ERCC4: variants seen among roughly 807,000 people sequenced by gnomAD.
ERCC4 encodes the protein ERCC excision repair 4, endonuclease catalytic subunit.
ERCC4 carries 65 observed loss-of-function variants against 76.9 expected under a neutral mutation model. The observed-to-expected ratio is 0.84, with a 90% CI of 0.69 to 1.04. The LOEUF is 1.04. Among genes scored for constraint, ERCC4 ranks in the 50% least tolerant of loss-of-function variants. The pLI, the probability that ERCC4 is intolerant of heterozygous loss-of-function variation, is 0.00. For missense variants in ERCC4, 1,214 were observed against 1,128.2 expected (o/e 1.08, Z -1.09); for synonymous variants, 463 against 410.1 (o/e 1.13, Z -1.56).
In ERCC4 at chr16:13,948,254, T is replaced by C; in HGVS notation, c.2658T>C (p.Ser886=). The change falls in exon 11 of 11, where the codon AGT becomes AGC. Residue 886 remains serine, a synonymous_variant. Transcript: ENST00000311895. ...LAALSQDELT[S]ILGNAANAKQ... ...CCCTGTCACAAGACGAGCTCACGAG[T>C]ATTCTGGGGAATGCTGCAAATGCCA... 6.2e-7 allele frequency: 1 copy of C among 1,614,092 alleles called. No individual in the cohort carries two copies.
chr16:13,933,507 G>A (rs1026142164), intron 6 of ERCC4: 6 of 152,580 alleles, frequency 3.9e-5, no homozygotes, highest in South Asian at 2.1e-4. Flanking sequence ...TCAGGAGTTC[G>A]AGACTAGCCT....
chr16:13,947,749 T>C lies in ERCC4; in HGVS notation c.2153T>C (p.Leu718Pro), dbSNP rs1567253637. Residue 718 changes from leucine to proline, a missense_variant, in exon 11 of 11, where the codon CTC becomes CCC. Leu to Pro is a moderately conservative substitution (Grantham distance 98). Coordinates refer to ENST00000311895, the MANE Select transcript of ERCC4 (RefSeq NM_005236.3). ...PVTLEVGDYI[L>P]TPEMCVERKS... ...ACTTTAGAGGTTGGAGATTACATCC[T>C]CACTCCAGAAATGTGCGTGGAGCGC... 1.9e-6 allele frequency: 3 copies of C among 1,614,124 alleles called. No individual in the cohort carries two copies. The highest frequency in any genetic ancestry group is 2.5e-6 in the Non-Finnish European group (3 of 1,180,048).
chr16:13,950,207 C>T lies in ERCC4; in HGVS notation c.*1860C>T. The T allele has an allele frequency of 5.3e-6, 1 of 187,644 alleles. No individual in the cohort carries two copies. Among genetic ancestry groups the T allele is most frequent in the African/African-American group, 2.3e-5 (1 of 42,890 alleles). The allele number at this position is 187,644 out of a possible 1,614,324, so 11.6% of individuals were successfully genotyped here. A position where few individuals can be genotyped will look rare whatever the true frequency, so the allele number is the denominator to read the frequency against. On this transcript the variant is annotated 3_prime_UTR_variant, in exon 11 of 11. Transcript: ENST00000311895. ...AACTACTGACCTCAGGTGATCCACC[C>T]ACCTTGGCCTCCCAAAGTGCTGAGA...
chr16:13,947,054 G>A (rs888268858), intron 10 of ERCC4, among the ~76,000 whole-genome samples: 4 of 152,152 alleles, frequency 2.6e-5, no homozygotes, highest in Admixed American at 6.5e-5. Flanking sequence ...GAGCCACCGC[G>A]CCCGGCCCGA....
chr16:13,935,059 T>TCA, intron 7 of ERCC4, 87 bp from the exon 8 acceptor site: 1 of 1,002,090 alleles, frequency 1.0e-6, no homozygotes, highest in Non-Finnish European at 1.6e-6. Flanking sequence ...TAAGATGTCT[T>TCA]CCCTTCGGGT....
At chr16:13,926,801 C>G in intron 3 of ERCC4, 45 bp downstream of exon 3, 1 of 1,449,568 alleles carries the variant, frequency 6.9e-7, no homozygotes, top group Non-Finnish European at 9.7e-7. Context: ...TATTTGTCAT[C>G]TTTGTTTGTG....
At chr16:13,932,378 T>G in intron 6 of ERCC4, 93 bp downstream of exon 6, 1 of 1,144,632 alleles carries the variant, frequency 8.7e-7, no homozygotes. Flanking sequence ...TTTGGCCATG[T>G]GAAAAGTGTG....
rs200649435 is a variant in ERCC4 at position 13,935,513 on chromosome 16, A to T, written c.1581A>T (p.Glu527Asp). The T allele has an allele frequency of 3.4e-4, 541 of 1,614,096 alleles. 1 individual carries two copies. The highest frequency in any genetic ancestry group is 4.2e-4 in the Non-Finnish European group (497 of 1,180,028). ...EISSSPESCP[E>D]EIKHEEFDVN... ...GCAGTAGCCCAGAAAGCTGCCCGGA[A>T]GAAATTAAGCATGAAGAATTTGATG... Residue 527 changes from glutamate to aspartate, a missense_variant, in exon 8 of 11, where the codon GAA (glutamate) becomes GAT (aspartate). Coordinates refer to ENST00000311895, the MANE Select transcript of ERCC4 (RefSeq NM_005236.3).
chr16:13,934,761 G>C (rs1199284834), intron 7 of ERCC4: 1 of 231,710 alleles, frequency 4.3e-6, no homozygotes, highest in East Asian at 9.5e-5. Context: ...ACAAACTGAA[G>C]ACATTGTCTA....
At chr16:13,923,863 A>T (rs1419574132) in intron 2 of ERCC4, among the ~76,000 whole-genome samples, 2 of 152,126 alleles carry the variant, frequency 1.3e-5, no homozygotes, top group African/African-American at 4.8e-5. Context: ...AATTGATTTA[A>T]AAAAATTTTT....
intron 10 of ERCC4, among the ~76,000 whole-genome samples, chr16:13,945,652 A>G (rs1201908901): frequency 1.3e-5 from 2 of 152,218 alleles, no homozygotes; most frequent in Middle Eastern, 3.2e-3. Context: ...TGGATGTGAA[A>G]TGGAGCCAGC....
chr16:13,948,029 GTTGT>G lies in ERCC4; in HGVS notation c.2437_2440del (p.Phe813ArgfsTer3). On this transcript the variant is annotated frameshift_variant, in exon 11 of 11. Transcript: ENST00000311895. LOFTEE classifies it low-confidence loss of function (END_TRUNC). ...GCCCCTCTCCTCATGCAACGGCGGA[GTTGT>G]TTGAGGAGCTGAAACAAAGCAAGCC... 1 of 1,614,130 alleles carries G rather than the reference GTTGT, an allele frequency of 6.2e-7. No homozygotes were observed. The highest frequency in any genetic ancestry group is 1.1e-5 in the South Asian group (1 of 91,074).
rs188840787 is a variant in ERCC4, at chr16:13,950,935, A to T, written c.*2588A>T. ...ATACCAGTGCCCCCCTGGCTCTCCA[A>T]ATCTGTTCTTTGCTCTTGTATCTGC... is the stretch of plus-strand genomic sequence containing the variant. On this transcript the variant is annotated 3_prime_UTR_variant, in exon 11 of 11. Coordinates refer to ENST00000311895, the MANE Select transcript of ERCC4 (RefSeq NM_005236.3). 1.0e-5 allele frequency: 2 copies of T among 195,936 alleles called. No homozygotes were observed. Among genetic ancestry groups the T allele is most frequent in the African/African-American group, 4.6e-5 (2 of 43,212 alleles). 12.1% of individuals were successfully genotyped at this position (195,936 alleles called of 1,614,324 possible).
chr16:13,948,474 T>G lies in ERCC4; in HGVS notation c.*127T>G. 1 of 1,173,780 alleles carries G rather than the reference T, an allele frequency of 8.5e-7. No individual in the cohort carries two copies. Among genetic ancestry groups the G allele is most frequent in the Non-Finnish European group, 1.2e-6 (1 of 807,924 alleles). 72.7% of individuals were successfully genotyped at this position (1,173,780 alleles called of 1,614,324 possible). A position where few individuals can be genotyped will look rare whatever the true frequency, so the allele number is the denominator to read the frequency against. On this transcript the variant is annotated 3_prime_UTR_variant, in exon 11 of 11. Transcript: ENST00000311895. ...TCCAATGCTCTTAATGATTGTACGG[T>G]GGACCAGAAGCCAGGATTCCTCTCT...
chr16:13,937,150 A>C (rs964133692), intron 8 of ERCC4, among the ~76,000 whole-genome samples: 1 of 145,218 alleles, frequency 6.9e-6, no homozygotes, highest in Non-Finnish European at 1.5e-5. Flanking sequence ...TTCTGAGCTC[A>C]AATGATCCTC....
Position 13,948,617 on chromosome 16 carries a change from A to G in ERCC4, c.*270A>G. 2.2e-6 allele frequency: 1 copy of G among 463,096 alleles called. No homozygotes were observed. The highest frequency in any genetic ancestry group is 3.9e-5 in the East Asian group (1 of 25,958). 28.7% of individuals were successfully genotyped at this position (463,096 alleles called of 1,614,324 possible). ...AATGAGGTTTGTCAGGATCAGGTAAAGTTCCTACAAGTGATTACAGAAGGT... is the reference window on the plus strand; with the variant it reads ...AATGAGGTTTGTCAGGATCAGGTAAGGTTCCTACAAGTGATTACAGAAGGT... On this transcript the variant is annotated 3_prime_UTR_variant, in exon 11 of 11. Transcript: ENST00000311895.
At chr16:13,930,008 C>G (rs908458942) in intron 4 of ERCC4, among the ~76,000 whole-genome samples, 12 of 152,090 alleles carry the variant, frequency 7.9e-5, no homozygotes, top group Non-Finnish European at 1.5e-5. Flanking sequence ...GTTAATTTAA[C>G]AAATATTTTC....
rs765840370 is a variant in ERCC4, at chr16:13,932,181, C to T, written c.998C>T (p.Thr333Ile). ...GGTTGGCTGTTTCTTGACTCCAGCACCTCGATGTTTATAAATGCTCGAGCA... is the reference window on the plus strand; with the variant it reads ...GGTTGGCTGTTTCTTGACTCCAGCATCTCGATGTTTATAAATGCTCGAGCA... ...NSGWLFLDSS[T>I]SMFINARARV... The change falls in exon 6 of 11, where the codon ACC becomes ATC. Residue 333 changes from threonine (T) to isoleucine (I), a missense_variant. Thr to Ile is a moderately conservative substitution (Grantham distance 89). Coordinates refer to ENST00000311895, the MANE Select transcript of ERCC4 (RefSeq NM_005236.3). 6.2e-7 allele frequency: 1 copy of T among 1,613,510 alleles called. No homozygotes were observed. The highest frequency in any genetic ancestry group is 1.1e-5 in the South Asian group (1 of 91,066).
Position 13,932,725 on chromosome 16 carries a change from A to G in ERCC4, c.1102+440A>G, listed in dbSNP as rs138859518. 477 of 210,882 alleles carry G rather than the reference A, an allele frequency of 2.3e-3. 2 individuals are homozygous for G. The highest frequency in any genetic ancestry group is 0.01 in the African/African-American group (429 of 42,176). 13.1% of individuals were successfully genotyped at this position (210,882 alleles called of 1,614,324 possible). On this transcript the variant is annotated intron_variant, in intron 6 of 10. Coordinates refer to ENST00000311895, the MANE Select transcript of ERCC4 (RefSeq NM_005236.3). Reference sequence around the variant, plus strand: ...CCGGGAGTTCAAGACCATCCTGGGCAACAAAGCAAGACTCCATCTCTACAA... The same window carrying G: ...CCGGGAGTTCAAGACCATCCTGGGCGACAAAGCAAGACTCCATCTCTACAA...
Sources: allele counts gnomAD v4.1 joint callset (sites outside exome capture counted in the v4.1 genomes callset), GRCh38; gene constraint gnomAD v4.1.1; transcripts MANE v1.5; gene names NCBI Gene and HGNC (gene_info 2026-07-23, HGNC 2026-07-21).